The following JAKMIP1 variants were observed in gnomAD, a reference collection of about 807,000 sequenced individuals.
JAKMIP1 encodes the protein janus kinase and microtubule-interacting protein 1.
A neutral mutation model predicts 113.0 loss-of-function variants in JAKMIP1; 33 were observed. The ratio of observed to expected loss-of-function variants is 0.29; its 90% confidence interval spans 0.22 to 0.39. The LOEUF (loss-of-function observed/expected upper bound fraction) is 0.39, where lower values mean the gene tolerates loss of function less well. Ranked by LOEUF, JAKMIP1 falls within the 10% of genes least tolerant of loss-of-function variation. The pLI is 1.00. For synonymous variants in JAKMIP1, 480 were observed against 459.9 expected (o/e 1.04, Z -0.56); for missense variants, 813 against 1,080.5 (o/e 0.75, Z 3.47).
At position 6,112,911 on chromosome 4, in the gene JAKMIP1, CAGCAGG is replaced by C; in HGVS notation, c.-67_-62del. 6.3e-7 allele frequency: 1 copy of C among 1,576,122 alleles called. No homozygotes were observed. Among genetic ancestry groups the C allele is most frequent in the South Asian group, 1.1e-5 (1 of 87,782 alleles). On this transcript the variant is annotated 5_prime_UTR_variant, in exon 2 of 21. Coordinates refer to ENST00000409021, the MANE Select transcript of JAKMIP1 (RefSeq NM_001099433.2). ...TCCACACCTGTTCACGCACGCCAGC[CAGCAGG>C]CGTGGCTACCAGCTCCACCGTGCTA...
intron 1 of JAKMIP1, among the ~76,000 whole-genome samples, chr4:6,119,730 C>G (rs1372143853): frequency 6.6e-6 from 1 of 152,238 alleles, no homozygotes; most frequent in African/African-American, 2.4e-5. Flanking sequence ...AACAGGGCTG[C>G]TCACATCCCT....
In JAKMIP1 at chr4:6,181,816, A is replaced by C. The variant is rs374553746; in HGVS notation, c.-148+18437T>G. On this transcript the variant is annotated intron_variant, in intron 1 of 20. Coordinates refer to ENST00000409021, the MANE Select transcript of JAKMIP1 (RefSeq NM_001099433.2). The surrounding 1 kb of genome is among the most constrained non-coding windows in gnomAD (Gnocchi z 5.4). The stretch of plus-strand genomic sequence containing the variant: ...CCCCTTCCCTCACAGAGCTCTAGCC[A>C]GCGGGGAAGAAGACTGTGAATGGCA... Among the ~76,000 whole-genome samples, 248 of 152,262 alleles carry C rather than the reference A, an allele frequency of 1.6e-3. No homozygotes were observed. Among genetic ancestry groups the C allele is most frequent in the South Asian group, 8.5e-3 (41 of 4,824 alleles).
At chr4:6,074,182 C>T (rs1415984037) in intron 8 of JAKMIP1, among the ~76,000 whole-genome samples, 3 of 152,246 alleles carry the variant, frequency 2.0e-5, no homozygotes, top group Admixed American at 1.3e-4. Flanking sequence ...TCATGGCCCT[C>T]AGGGACACAA....
At position 6,086,935 on chromosome 4, in the gene JAKMIP1, C is replaced by G. The variant is rs115535686; in HGVS notation, c.625-1306G>C. Among the ~76,000 whole-genome samples the G allele has an allele frequency of 0.012, 1,847 of 152,214 alleles. 45 individuals are homozygous for G. Among genetic ancestry groups the G allele is most frequent in the African/African-American group, 0.042 (1,738 of 41,532 alleles). ...GCATCAGGAAGAGGCTGGGAAAGAT[C>G]CTCTTCCACAGCCTTAGGGGGAAGT... On this transcript the variant is annotated intron_variant, in intron 3 of 20. Coordinates refer to ENST00000409021, the MANE Select transcript of JAKMIP1 (RefSeq NM_001099433.2). The surrounding 1 kb of genome is among the most constrained non-coding windows in gnomAD (Gnocchi z 4.1).
chr4:6,178,739 G>A lies in JAKMIP1; in HGVS notation c.-148+21514C>T, dbSNP rs1246383257. ...TCACAGGTATGTCTTTATTAGCAATGTGAGGACAGACTAATATACCCTACC... is the reference window on the plus strand; with the variant it reads ...TCACAGGTATGTCTTTATTAGCAATATGAGGACAGACTAATATACCCTACC... On this transcript the variant is annotated intron_variant, in intron 1 of 20. Coordinates refer to ENST00000409021, the MANE Select transcript of JAKMIP1 (RefSeq NM_001099433.2). This position sits in a 1 kb window ranked among gnomAD's most constrained non-coding sequence, Gnocchi z 5.5. Among the ~76,000 whole-genome samples the A allele has an allele frequency of 2.0e-5, 3 of 152,168 alleles. No individual in the cohort carries two copies. The highest frequency in any genetic ancestry group is 7.2e-5 in the African/African-American group (3 of 41,436).
Position 6,039,072 on chromosome 4 carries a change from C to T in JAKMIP1, c.2175+1567G>A, listed in dbSNP as rs867175094. 4.6e-5 allele frequency among the ~76,000 whole-genome samples: 7 copies of T among 152,342 alleles called. No individual in the cohort carries two copies. The Middle Eastern group carries it at 0.017, about 370-fold the overall frequency. ...TCCTGTCTACCCATGCAACTGAAAT[C>T]CCACTGGGAGCACAGTGCCCATGGC... On this transcript the variant is annotated intron_variant, in intron 18 of 20. Transcript: ENST00000409021.
rs116928052 is a variant in JAKMIP1 at position 6,176,596 on chromosome 4, C to G, written c.-148+23657G>C. On this transcript the variant is annotated intron_variant, in intron 1 of 20. Transcript: ENST00000409021. This position sits in a 1 kb window ranked among gnomAD's most constrained non-coding sequence, Gnocchi z 5.5. The stretch of plus-strand genomic sequence containing the variant: ...GGCAATGGGGTCAGGGAATTAAGGG[C>G]TGGGAGATAACTCCATGTTTACAAA... 6.6e-6 allele frequency among the ~76,000 whole-genome samples: 1 copy of G among 152,288 alleles called. No individual in the cohort carries two copies. The highest frequency in any genetic ancestry group is 1.9e-4 in the East Asian group (1 of 5,172).
intron 1 of JAKMIP1, among the ~76,000 whole-genome samples, chr4:6,127,680 C>T (rs192837024): frequency 6.6e-6 from 1 of 152,288 alleles, no homozygotes; most frequent in Admixed American, 6.5e-5. Flanking sequence ...AGGCCACATC[C>T]CCCCTTCACT....
Position 6,080,823 on chromosome 4 carries a change from G to A in JAKMIP1, c.1102-511C>T, listed in dbSNP as rs753060665. On this transcript the variant is annotated intron_variant, in intron 6 of 20. Coordinates refer to ENST00000409021, the MANE Select transcript of JAKMIP1 (RefSeq NM_001099433.2). This position sits in a 1 kb window ranked among gnomAD's most constrained non-coding sequence, Gnocchi z 6.0. ...CCACCTTGTCCTGTGCTGGAAGAGG[G>A]GACAGGGCAGACCAAAGCCAAGCCC... 6.6e-6 allele frequency among the ~76,000 whole-genome samples: 1 copy of A among 152,078 alleles called. No homozygotes were observed. Among genetic ancestry groups the A allele is most frequent in the Non-Finnish European group, 1.5e-5 (1 of 68,020 alleles).
chr4:6,081,821 G>T lies in JAKMIP1; in HGVS notation c.955-66C>A. 1 of 1,586,692 alleles carries T rather than the reference G, an allele frequency of 6.3e-7. No homozygotes were observed. The highest frequency in any genetic ancestry group is 8.6e-7 in the Non-Finnish European group (1 of 1,160,874). ...GACGGACGGCCGAGGTCACAGCACC[G>T]AGGTGAGCAGAGACTCAACCCAGTT... On this transcript the variant is annotated intron_variant, in intron 5 of 20. Coordinates refer to ENST00000409021, the MANE Select transcript of JAKMIP1 (RefSeq NM_001099433.2). This position sits in a 1 kb window ranked among gnomAD's most constrained non-coding sequence, Gnocchi z 4.6.
chr4:6,151,380 C>T (rs947554899), intron 1 of JAKMIP1, among the ~76,000 whole-genome samples: 5 of 152,160 alleles, frequency 3.3e-5, no homozygotes. Flanking sequence ...CCATGTTCTT[C>T]CTCACTGCAC....
rs981306314 is a variant in JAKMIP1 at position 6,159,518 on chromosome 4, A to G, written c.-148+40735T>C. 9.1e-3 allele frequency among the ~76,000 whole-genome samples: 20 copies of G among 2,208 alleles called. No individual in the cohort carries two copies. The Non-Finnish European group carries it at 0.24, about 27-fold the overall frequency. 1.4% of individuals were successfully genotyped at this position (2,208 alleles called of 152,430 possible). A position where few individuals can be genotyped will look rare whatever the true frequency, so the allele number is the denominator to read the frequency against. ...TTGCTTTAAGCAGCATGCAAGTGGA[A>G]AAAAAAAATAGTGTAAATAATGGAG... is the stretch of plus-strand genomic sequence containing the variant. On this transcript the variant is annotated intron_variant, in intron 1 of 20. Transcript: ENST00000409021.
Position 6,065,299 on chromosome 4 carries a change from C to A in JAKMIP1, c.1303-291G>T, listed in dbSNP as rs375355186. 2.6e-3 allele frequency among the ~76,000 whole-genome samples: 397 copies of A among 152,356 alleles called. 2 individuals are homozygous for A. The highest frequency in any genetic ancestry group is 5.4e-3 in the South Asian group (26 of 4,832). On this transcript the variant is annotated intron_variant, in intron 8 of 20. Transcript: ENST00000409021. This position sits in a 1 kb window ranked among gnomAD's most constrained non-coding sequence, Gnocchi z 5.1. ...ACCACTTGGCCCCTGGAGCACCAGC[C>A]TCCTTCTCTAGCAAATGGATTGAGA...
intron 1 of JAKMIP1, among the ~76,000 whole-genome samples, chr4:6,175,087 C>A (rs1434162503): frequency 2.0e-5 from 3 of 152,142 alleles, no homozygotes; most frequent in African/African-American, 7.2e-5. Flanking sequence ...CATCTAAGAC[C>A]CCACCTCACC....
chr4:6,161,730 T>C (rs972113807), intron 1 of JAKMIP1, among the ~76,000 whole-genome samples: 2 of 151,946 alleles, frequency 1.3e-5, no homozygotes, highest in Admixed American at 1.3e-4. Flanking sequence ...TCCTCATTGG[T>C]CCTGGGGTTT....
chr4:6,152,222 C>G (rs1329672309), intron 1 of JAKMIP1, among the ~76,000 whole-genome samples: 2 of 152,172 alleles, frequency 1.3e-5, no homozygotes, highest in Non-Finnish European at 2.9e-5. Context: ...AACCAGCAAA[C>G]GCTGCTCTAA....
chr4:6,138,991 C>T lies in JAKMIP1; in HGVS notation c.-147-25994G>A, dbSNP rs1167847241. On this transcript the variant is annotated intron_variant, in intron 1 of 20. Transcript: ENST00000409021. This position sits in a 1 kb window ranked among gnomAD's most constrained non-coding sequence, Gnocchi z 6.0. Reference sequence around the variant, plus strand: ...GGCTGGAATATGTCTCCCCACCCCACCCTGTCTGTTCATCCTCCATGGCCT... The same window carrying T: ...GGCTGGAATATGTCTCCCCACCCCATCCTGTCTGTTCATCCTCCATGGCCT... Among the ~76,000 whole-genome samples, 1 of 152,038 alleles carries T rather than the reference C, an allele frequency of 6.6e-6. No homozygotes were observed. The highest frequency in any genetic ancestry group is 2.4e-5 in the African/African-American group (1 of 41,356).
intron 1 of JAKMIP1, among the ~76,000 whole-genome samples, chr4:6,166,790 G>A (rs933760499): frequency 6.6e-6 from 1 of 152,172 alleles, no homozygotes; most frequent in African/African-American, 2.4e-5. Flanking sequence ...TGGCCACAGG[G>A]CCTAAAGGCT....
chr4:6,153,307 G>T lies in JAKMIP1; in HGVS notation c.-147-40310C>A, dbSNP rs954853929. On this transcript the variant is annotated intron_variant, in intron 1 of 20. Transcript: ENST00000409021. This position sits in a 1 kb window ranked among gnomAD's most constrained non-coding sequence, Gnocchi z 4.9. ...CCCGAGCCTGGCCTCCTTCACACAGGCCTTGGTCACAGGCAGATCTGGGTG... is the reference window on the plus strand; with the variant it reads ...CCCGAGCCTGGCCTCCTTCACACAGTCCTTGGTCACAGGCAGATCTGGGTG... Among the ~76,000 whole-genome samples the T allele has an allele frequency of 6.6e-6, 1 of 152,174 alleles. No individual in the cohort carries two copies. Among genetic ancestry groups the T allele is most frequent in the Non-Finnish European group, 1.5e-5 (1 of 68,032 alleles).
Sources: gnomAD v4.1 joint callset for allele counts (sites outside exome capture counted in the v4.1 genomes callset) on GRCh38, gnomAD v4.1.1 for gene constraint, Gnocchi (gnomAD v3.1) non-coding constraint, MANE v1.5 for transcripts, NCBI Gene and HGNC (gene_info 2026-07-23, HGNC 2026-07-21) for gene names.